SHANK2: variants seen among roughly 807,000 people sequenced by gnomAD.
SHANK2 encodes SH3 and multiple ankyrin repeat domains 2, also known as SH3 and multiple ankyrin repeat domains protein 2.
SHANK2 carries 43 observed loss-of-function variants against 133.7 expected under a neutral mutation model. That is an observed-to-expected ratio of 0.32 (90% CI 0.25 to 0.41). The LOEUF is 0.41. Ranked by LOEUF, SHANK2 falls within the 10% of genes least tolerant of loss-of-function variation. The pLI, the probability that SHANK2 is intolerant of heterozygous loss-of-function variation, is 1.00. For missense variants in SHANK2, 1,994 were observed against 2,235.8 expected, an observed-to-expected ratio of 0.89 and a Z score of 2.18; for synonymous variants, 1,017 against 952.8, an observed-to-expected ratio of 1.07 and a Z score of -1.24.
intron 11 of SHANK2, among the ~76,000 whole-genome samples, chr11:70,823,684 G>A (rs559987308): frequency 1.2e-4 from 17 of 145,224 alleles, no homozygotes; most frequent in African/African-American, 3.9e-4. Context: ...CAGAGGTGGC[G>A]CTGGCAGAAC....
chr11:71,158,853 T>C (rs1436390648), intron 2 of SHANK2, among the ~76,000 whole-genome samples: 1 of 152,176 alleles, frequency 6.6e-6, no homozygotes, highest in Non-Finnish European at 1.5e-5. Context: ...AATAAACCTA[T>C]GAGGCTGACA....
intron 14 of SHANK2, among the ~76,000 whole-genome samples, chr11:70,757,070 A>C (rs1262522570): frequency 2.0e-5 from 3 of 152,222 alleles, no homozygotes; most frequent in Admixed American, 1.3e-4. Flanking sequence ...GCTGGCAGGT[A>C]ACAAATGCTT....
At chr11:70,489,110 TC>T (rs2058851367) in intron 24 of SHANK2, 2 of 565,000 alleles carry the variant, frequency 3.5e-6, no homozygotes, top group Non-Finnish European at 6.3e-6. Flanking sequence ...AATGAAAACT[TC>T]CATTCGATAA....
intron 2 of SHANK2, among the ~76,000 whole-genome samples, chr11:71,223,176 C>T (rs1555121589): frequency 6.6e-6 from 1 of 152,198 alleles, no homozygotes; most frequent in Non-Finnish European, 1.5e-5. Context: ...GACAGGAAAA[C>T]CAGGCAGGTG....
intron 17 of SHANK2, among the ~76,000 whole-genome samples, chr11:70,514,687 C>T (rs1033010416): frequency 3.9e-5 from 6 of 152,120 alleles, no homozygotes; most frequent in African/African-American, 1.4e-4. Context: ...AGAATGTATA[C>T]TGTAATCCTT....
chr11:70,767,269 C>T (rs1337087986), intron 14 of SHANK2, among the ~76,000 whole-genome samples: 1 of 152,180 alleles, frequency 6.6e-6, no homozygotes, highest in East Asian at 1.9e-4. Flanking sequence ...CTCAAGATCC[C>T]AGAATGTAAG....
chr11:70,733,170 G>A (rs1387014197), intron 14 of SHANK2, among the ~76,000 whole-genome samples: 6 of 152,162 alleles, frequency 3.9e-5, no homozygotes, highest in East Asian at 1.9e-4. Flanking sequence ...TGCTTGAAGC[G>A]TGGAGAGGAG....
chr11:71,152,564 A>C (rs1253138961), intron 2 of SHANK2, among the ~76,000 whole-genome samples: 2 of 152,176 alleles, frequency 1.3e-5, no homozygotes, highest in African/African-American at 4.8e-5. Context: ...CTGCCGGCGG[A>C]CATCTTCACC....
intron 11 of SHANK2, among the ~76,000 whole-genome samples, chr11:70,881,559 ATATTAATAATAATAT>A (rs782683219): frequency 0.038 from 5,389 of 140,982 alleles, 216 homozygotes; most frequent in East Asian, 0.054. Flanking sequence ...AATAATAATA[ATATTAATAATAATAT>A]TAATAATAAT....
chr11:71,185,023 G>A (rs1243581827), intron 2 of SHANK2, among the ~76,000 whole-genome samples: 2 of 152,132 alleles, frequency 1.3e-5, no homozygotes, highest in South Asian at 2.1e-4. Context: ...TCTGTACCCC[G>A]TGAGGGCAGG....
intron 21 of SHANK2, among the ~76,000 whole-genome samples, chr11:70,496,527 T>C (rs1321753350): frequency 2.0e-5 from 3 of 152,218 alleles, no homozygotes; most frequent in African/African-American, 7.2e-5. Flanking sequence ...AGGAAAGGTG[T>C]CCTGGTCAAT....
At chr11:70,923,183 G>A (rs1465533183) in intron 10 of SHANK2, among the ~76,000 whole-genome samples, 2 of 152,124 alleles carry the variant, frequency 1.3e-5, no homozygotes, top group Non-Finnish European at 2.9e-5. Flanking sequence ...AATAGATGAT[G>A]GGTCCCCACT....
chr11:70,478,376 AG>A (rs1370042038), intron 25 of SHANK2, among the ~76,000 whole-genome samples: 1 of 152,192 alleles, frequency 6.6e-6, no homozygotes, highest in Non-Finnish European at 1.5e-5. Context: ...CCGCCTGTCA[AG>A]GGCCTGCTGG....
At chr11:70,646,105 G>A (rs1325534221) in intron 17 of SHANK2, 1 of 152,300 alleles carries the variant, frequency 6.6e-6, no homozygotes, top group Non-Finnish European at 1.5e-5. Context: ...TGGACCCCCA[G>A]AACTCGCATG....
chr11:70,511,935 A>G (rs1199819605), intron 17 of SHANK2, among the ~76,000 whole-genome samples: 1 of 152,274 alleles, frequency 6.6e-6, no homozygotes, highest in Non-Finnish European at 1.5e-5. Context: ...GAGTTCCACA[A>G]GGATTGTCAT....
At chr11:70,852,447 G>A (rs1457687443) in intron 11 of SHANK2, among the ~76,000 whole-genome samples, 5 of 152,150 alleles carry the variant, frequency 3.3e-5, no homozygotes, top group Non-Finnish European at 5.9e-5. Context: ...GGGTTGCAGG[G>A]GAAGGGCAGG....
chr11:70,679,187 G>A (rs1032499893), intron 15 of SHANK2, among the ~76,000 whole-genome samples: 1 of 152,238 alleles, frequency 6.6e-6, no homozygotes, highest in Non-Finnish European at 1.5e-5. Flanking sequence ...GGGAGCCCCT[G>A]CCCTCATTCT....
chr11:70,568,511 G>A (rs1554982392), intron 17 of SHANK2, among the ~76,000 whole-genome samples: 1 of 152,156 alleles, frequency 6.6e-6, no homozygotes, highest in African/African-American at 2.4e-5. Flanking sequence ...GTGAAGCTGG[G>A]GAACTTATTC....
In SHANK2 at chr11:70,876,243, GACACACACACAC is replaced by G. The variant is rs3064243; in HGVS notation, c.1174+20246_1174+20257del. Among the ~76,000 whole-genome samples the G allele has an allele frequency of 2.2e-5, 3 of 134,830 alleles. No individual in the cohort carries two copies. The East Asian group carries it at 6.8e-4, about 31-fold the overall frequency. The allele number at this position is 134,830 out of a possible 152,430, so 88.5% of individuals were successfully genotyped here. ...TACATAATACACACACACACATATA[GACACACACACAC>G]ACACACACACACACACACACACTTG... On this transcript the variant is annotated intron_variant, in intron 11 of 25. Transcript: ENST00000601538.
Sources: gnomAD v4.1 joint callset for allele counts (sites outside exome capture counted in the v4.1 genomes callset) on GRCh38, gnomAD v4.1.1 for gene constraint, MANE v1.5 for transcripts, NCBI Gene and HGNC (gene_info 2026-07-23, HGNC 2026-07-21) for gene names.